LINGO2: variants seen among roughly 807,000 people sequenced by gnomAD.
The protein encoded by LINGO2 is leucine rich repeat and Ig domain containing 2.
Under a neutral mutation model 30.6 loss-of-function variants are expected in LINGO2, and 14 were observed. The ratio of observed to expected loss-of-function variants is 0.46; its 90% confidence interval spans 0.30 to 0.72. LINGO2 has a LOEUF of 0.72. Among genes scored for constraint, LINGO2 ranks in the 30% least tolerant of loss-of-function variants. LINGO2 has a pLI of 0.07. For synonymous variants in LINGO2, 317 were observed against 288.5 expected (o/e 1.10, Z -1.00); for missense variants, 729 against 751.7 (o/e 0.97, Z 0.35).
At chr9:28,544,599 C>T (rs999136303) in intron 1 of LINGO2, among the ~76,000 whole-genome samples, 2 of 151,656 alleles carry the variant, frequency 1.3e-5, no homozygotes, top group Non-Finnish European at 2.9e-5. Flanking sequence ...ATGTTAGTAT[C>T]TTTCTCTTTC....
rs1165400056 is a variant in LINGO2, at chr9:28,523,894, CT to C, written c.-364-47870del. 6.1e-3 allele frequency among the ~76,000 whole-genome samples: 847 copies of C among 137,942 alleles called. 2 individuals carry two copies. The highest frequency in any genetic ancestry group is 0.013 in the African/African-American group (503 of 37,866). 90.5% of individuals were successfully genotyped at this position (137,942 alleles called of 152,430 possible). Reference sequence around the variant, plus strand: ...CAATCCCTACTGGAAACACAGTTGGCTTTTTTTTTTTTTAATTCAAAATTGA... The same window carrying C: ...CAATCCCTACTGGAAACACAGTTGGCTTTTTTTTTTTTAATTCAAAATTGA... On this transcript the variant is annotated intron_variant, in intron 1 of 5. Transcript: ENST00000379992.
At chr9:28,724,155 C>A in the LINGO2 span, among the ~76,000 whole-genome samples, 2 of 152,132 alleles carry the variant, frequency 1.3e-5, no homozygotes, top group African/African-American at 4.8e-5. Context: ...CCTCAACTTT[C>A]CATTTGTAAA....
chr9:28,442,787 A>ATC (rs1386649794), intron 2 of LINGO2, among the ~76,000 whole-genome samples: 1 of 152,112 alleles, frequency 6.6e-6, no homozygotes, highest in Admixed American at 6.5e-5. Flanking sequence ...AGTTATATAT[A>ATC]TATATTCTTA....
chr9:28,542,271 C>T (rs1821733375), intron 1 of LINGO2, among the ~76,000 whole-genome samples: 1 of 151,022 alleles, frequency 6.6e-6, no homozygotes, highest in Non-Finnish European at 1.5e-5. Context: ...AAGGTAGATC[C>T]TGAAAAAAAA....
At chr9:28,889,978 G>C in the LINGO2 span, among the ~76,000 whole-genome samples, 1 of 152,016 alleles carries the variant, frequency 6.6e-6, no homozygotes, top group Non-Finnish European at 1.5e-5. Context: ...CATGTGTATA[G>C]GCAATTATGC....
At chr9:28,014,194 AAAATT>A (rs1426722309) in intron 4 of LINGO2, among the ~76,000 whole-genome samples, 2 of 152,202 alleles carry the variant, frequency 1.3e-5, no homozygotes, top group African/African-American at 4.8e-5. Flanking sequence ...GAGCATTTGG[AAAATT>A]AAATTATTCT....
At chr9:29,030,190 C>A in the LINGO2 span, among the ~76,000 whole-genome samples, 1 of 152,024 alleles carries the variant, frequency 6.6e-6, no homozygotes, top group Admixed American at 6.6e-5. Flanking sequence ...TAACATATTT[C>A]TAAAGATATT....
intron 4 of LINGO2, among the ~76,000 whole-genome samples, chr9:28,251,314 A>C (rs1822190841): frequency 1.3e-5 from 2 of 152,182 alleles, no homozygotes; most frequent in East Asian, 3.9e-4. Context: ...CAGCTTCTAG[A>C]GAAGGGTAGG....
intron 4 of LINGO2, among the ~76,000 whole-genome samples, chr9:28,289,766 T>A (rs1336466855): frequency 6.6e-6 from 1 of 152,222 alleles, no homozygotes; most frequent in Admixed American, 6.5e-5. Context: ...TTAGCTACTC[T>A]TGCACTGAAG....
the LINGO2 span, among the ~76,000 whole-genome samples, chr9:29,026,546 T>G: frequency 6.6e-6 from 1 of 152,150 alleles, no homozygotes; most frequent in Non-Finnish European, 1.5e-5. Flanking sequence ...CTATATTATA[T>G]GTAGAAAAAA....
the LINGO2 span, among the ~76,000 whole-genome samples, chr9:29,004,878 TTTAA>T: frequency 6.6e-6 from 1 of 152,014 alleles, no homozygotes; most frequent in Non-Finnish European, 1.5e-5. Context: ...CCTTGGACAA[TTTAA>T]TTAATCTGTA....
chr9:29,194,230 T>G, the LINGO2 span, among the ~76,000 whole-genome samples: 1 of 152,152 alleles, frequency 6.6e-6, no homozygotes, highest in East Asian at 1.9e-4. Context: ...GGCATCCAAG[T>G]CATGCACCTC....
At chr9:28,401,757 G>A (rs1822276744) in intron 2 of LINGO2, among the ~76,000 whole-genome samples, 1 of 152,124 alleles carries the variant, frequency 6.6e-6, no homozygotes, top group Admixed American at 6.6e-5. Context: ...CACCAACAGT[G>A]TAAACGCATT....
chr9:28,214,903 A>G (rs1820712085), intron 4 of LINGO2, among the ~76,000 whole-genome samples: 2 of 151,770 alleles, frequency 1.3e-5, no homozygotes, highest in Non-Finnish European at 3.0e-5. Flanking sequence ...CACAGTAAGT[A>G]TATATTCCAA....
At chr9:29,031,862 T>C in the LINGO2 span, among the ~76,000 whole-genome samples, 1 of 152,186 alleles carries the variant, frequency 6.6e-6, no homozygotes, top group Non-Finnish European at 1.5e-5. Flanking sequence ...GAGAGTGAGA[T>C]ATATTTTAAT....
intron 1 of LINGO2, among the ~76,000 whole-genome samples, chr9:28,619,141 G>C (rs914946449): frequency 1.3e-5 from 2 of 152,006 alleles, no homozygotes; most frequent in Non-Finnish European, 2.9e-5. Flanking sequence ...TAAAATATAG[G>C]GGTTTTATAT....
At chr9:29,086,548 C>T in the LINGO2 span, among the ~76,000 whole-genome samples, 9 of 151,904 alleles carry the variant, frequency 5.9e-5, no homozygotes, top group Admixed American at 1.3e-4. Context: ...GGGCAAGTTC[C>T]TTATGAAAAT....
At chr9:29,007,637 C>A in the LINGO2 span, among the ~76,000 whole-genome samples, 3 of 152,088 alleles carry the variant, frequency 2.0e-5, no homozygotes, top group African/African-American at 7.2e-5. Flanking sequence ...TGGGAAGCAG[C>A]CCTCAACCAA....
At chr9:28,901,759 C>T in the LINGO2 span, among the ~76,000 whole-genome samples, 2 of 150,428 alleles carry the variant, frequency 1.3e-5, no homozygotes, top group Non-Finnish European at 3.0e-5. Flanking sequence ...AAAATAATCA[C>T]AAAGAAAGAT....
Sources: gnomAD v4.1 joint callset for allele counts (sites outside exome capture counted in the v4.1 genomes callset) on GRCh38, gnomAD v4.1.1 for gene constraint, MANE v1.5 for transcripts, NCBI Gene and HGNC (gene_info 2026-07-23, HGNC 2026-07-21) for gene names.